SYT1: variants seen among roughly 807,000 people sequenced by gnomAD.
SYT1 encodes the protein synaptotagmin 1.
SYT1 carries 8 observed loss-of-function variants against 44.8 expected under a neutral mutation model. The observed-to-expected ratio is 0.18, with a 90% CI of 0.10 to 0.32. The LOEUF is 0.32. SYT1 is among the 10% of genes least tolerant of loss of function. SYT1 has a pLI of 1.00. For synonymous variants in SYT1, 154 were observed against 188.8 expected (o/e 0.82, Z 1.51); for missense variants, 286 against 509.3 (o/e 0.56, Z 4.22).
chr12:79,161,779 C>G (rs928594423), intron 3 of SYT1, among the ~76,000 whole-genome samples: 2 of 152,058 alleles, frequency 1.3e-5, no homozygotes, highest in African/African-American at 4.8e-5. Context: ...TCATACTGCA[C>G]CCAGCCTACA....
At position 79,402,748 on chromosome 12, in the gene SYT1, A is replaced by G. The variant is rs562590300; in HGVS notation, c.929-41325A>G. Among the ~76,000 whole-genome samples the G allele has an allele frequency of 2.1e-4, 32 of 152,322 alleles. 1 individual carries two copies. The highest frequency in any genetic ancestry group is 3.4e-3 in the Middle Eastern group (1 of 294). The stretch of plus-strand genomic sequence containing the variant: ...AGGGAAAAATAGAAATAGGGATAAT[A>G]AGACACCATATCCATCCATACTGAC... On this transcript the variant is annotated intron_variant, in intron 9 of 10. Transcript: ENST00000261205.
intron 3 of SYT1, among the ~76,000 whole-genome samples, chr12:79,088,131 A>C (rs1255577290): frequency 6.6e-6 from 1 of 152,122 alleles, no homozygotes; most frequent in Non-Finnish European, 1.5e-5. Context: ...ATTAACATAG[A>C]CTAGCATTGG....
At chr12:79,353,641 AT>A in intron 9 of SYT1, 22 bp downstream of exon 9, 2 of 1,579,558 alleles carry the variant, frequency 1.3e-6, no homozygotes, top group Non-Finnish European at 1.7e-6. Context: ...GTGTTTATTG[AT>A]TTTTTTCAAA....
At chr12:79,085,057 TTG>T (rs1454223780) in intron 3 of SYT1, among the ~76,000 whole-genome samples, 3 of 152,154 alleles carry the variant, frequency 2.0e-5, no homozygotes, top group African/African-American at 7.2e-5. Context: ...TTTAAAATTT[TTG>T]TATGAAGCAA....
intron 3 of SYT1, among the ~76,000 whole-genome samples, chr12:79,213,788 G>A (rs575996230): frequency 1.3e-5 from 2 of 152,284 alleles, no homozygotes; most frequent in South Asian, 4.1e-4. Flanking sequence ...AGTCAGGTGT[G>A]TTGGTGGGTG....
intron 2 of SYT1, among the ~76,000 whole-genome samples, chr12:79,042,826 T>C (rs1051014482): frequency 1.5e-4 from 23 of 151,572 alleles, no homozygotes; most frequent in Non-Finnish European, 3.1e-4. Flanking sequence ...GTATGTTGTG[T>C]CTTTGTTCTC....
intron 4 of SYT1, among the ~76,000 whole-genome samples, chr12:79,251,993 T>C (rs115622456): frequency 8.8e-4 from 134 of 151,740 alleles, no homozygotes; most frequent in African/African-American, 2.9e-3. Context: ...GATAGATAGA[T>C]AGATAGATAG....
At chr12:78,931,292 AAGGAAGGAAGGAAGGAGAGG>A (rs1565723633) in intron 1 of SYT1, among the ~76,000 whole-genome samples, 2 of 92,296 alleles carry the variant, frequency 2.2e-5, no homozygotes, top group Admixed American at 1.0e-4. Context: ...GGAAGGAAGG[AAGGAAGGAAGGAAGGAGAGG>A]GAGGGAGGGA....
At chr12:79,106,288 C>A (rs1314335244) in intron 3 of SYT1, among the ~76,000 whole-genome samples, 2 of 152,056 alleles carry the variant, frequency 1.3e-5, no homozygotes, top group Admixed American at 1.3e-4. Context: ...CCCTAAGGTC[C>A]AAGTATAGTT....
At chr12:79,438,677 T>C (rs1870231401) in intron 9 of SYT1, among the ~76,000 whole-genome samples, 1 of 152,066 alleles carries the variant, frequency 6.6e-6, no homozygotes, top group African/African-American at 2.4e-5. Context: ...ACAAGGTCTA[T>C]ATCCTCTTCC....
intron 1 of SYT1, among the ~76,000 whole-genome samples, chr12:78,894,039 A>G (rs1875203562): frequency 6.6e-6 from 1 of 151,400 alleles, no homozygotes; most frequent in South Asian, 2.1e-4. Flanking sequence ...CTTTCTACCT[A>G]ACTTTGTATT....
intron 9 of SYT1, among the ~76,000 whole-genome samples, chr12:79,434,487 A>T (rs1175442516): frequency 6.6e-6 from 1 of 152,246 alleles, no homozygotes; most frequent in Non-Finnish European, 1.5e-5. Context: ...TGCCAGTGGT[A>T]GAAACAGAAA....
chr12:79,232,740 A>G (rs1265940766), intron 4 of SYT1, among the ~76,000 whole-genome samples: 1 of 152,152 alleles, frequency 6.6e-6, no homozygotes, highest in Non-Finnish European at 1.5e-5. Flanking sequence ...TTGTGTCTCC[A>G]GTTCCAGCAC....
chr12:79,393,447 C>T (rs1242379532), intron 9 of SYT1: 1 of 152,202 alleles, frequency 6.6e-6, no homozygotes, highest in Non-Finnish European at 1.5e-5. Context: ...CCTATTTCTT[C>T]ACATCCTCTC....
chr12:79,073,976 TTAAC>T (rs1375282812), intron 3 of SYT1, among the ~76,000 whole-genome samples: 2 of 152,182 alleles, frequency 1.3e-5, no homozygotes, highest in Non-Finnish European at 2.9e-5. Context: ...ATTTGCTTAT[TTAAC>T]TAAATTGTTC....
chr12:79,341,127 A>G (rs1882353308), intron 8 of SYT1: 1 of 152,218 alleles, frequency 6.6e-6, no homozygotes, highest in Non-Finnish European at 1.5e-5. Context: ...GGTTTGACAT[A>G]TAAGACTAAG....
Position 78,979,994 on chromosome 12 carries a change from T to G in SYT1, c.-84+2063T>G, listed in dbSNP as rs1869128744. Among the ~76,000 whole-genome samples, 3 of 152,266 alleles carry G rather than the reference T, an allele frequency of 2.0e-5. No homozygotes were observed. The South Asian group carries it at 6.2e-4, about 32-fold the overall frequency. The stretch of plus-strand genomic sequence containing the variant: ...TAAATGAATTACGTGAGTGTCTTAC[T>G]TTCAGAAGATACTTTATTAATACAA... On this transcript the variant is annotated intron_variant, in intron 2 of 10. Coordinates refer to ENST00000261205, the MANE Select transcript of SYT1 (RefSeq NM_005639.3).
chr12:79,331,957 A>G (rs1214669675), intron 8 of SYT1, among the ~76,000 whole-genome samples: 1 of 152,202 alleles, frequency 6.6e-6, no homozygotes, highest in Non-Finnish European at 1.5e-5. Context: ...TGTGATGCTC[A>G]AAAGTTGAAA....
At chr12:79,378,058 A>G (rs567001887) in intron 9 of SYT1, among the ~76,000 whole-genome samples, 5 of 152,316 alleles carry the variant, frequency 3.3e-5, no homozygotes, top group African/African-American at 1.2e-4. Flanking sequence ...TATTCCTCAT[A>G]CTATCTAATT....
Sources: gnomAD v4.1 joint callset for allele counts (sites outside exome capture counted in the v4.1 genomes callset) on GRCh38, gnomAD v4.1.1 for gene constraint, MANE v1.5 for transcripts, NCBI Gene and HGNC (gene_info 2026-07-23, HGNC 2026-07-21) for gene names.